GRIN2A: variants seen among roughly 807,000 people sequenced by gnomAD.
The protein encoded by GRIN2A is glutamate ionotropic receptor NMDA type subunit 2A.
A neutral mutation model predicts 113.4 loss-of-function variants in GRIN2A; 22 were observed. The ratio of observed to expected loss-of-function variants is 0.19; its 90% CI spans 0.14 to 0.28. The LOEUF is 0.28. Among genes scored for constraint, GRIN2A ranks in the 10% least tolerant of loss-of-function variants. GRIN2A has a pLI of 1.00. For synonymous variants in GRIN2A, 827 were observed against 738.4 expected, an observed-to-expected ratio of 1.12 and a Z score of -1.94; for missense variants, 1,502 against 1,887.0, an observed-to-expected ratio of 0.80 and a Z score of 3.78.
At chr16:10,029,174 C>T (rs1360377804) in intron 2 of GRIN2A, among the ~76,000 whole-genome samples, 1 of 152,168 alleles carries the variant, frequency 6.6e-6, no homozygotes, top group African/African-American at 2.4e-5. Flanking sequence ...CACTATACCT[C>T]CCCACCCCAA....
chr16:10,096,802 A>G (rs751869975), intron 2 of GRIN2A, among the ~76,000 whole-genome samples: 13 of 151,974 alleles, frequency 8.6e-5, no homozygotes, highest in Non-Finnish European at 1.8e-4. Context: ...CCACACATAG[A>G]CCTGCTACAA....
chr16:9,845,160 C>T (rs1017530642), intron 5 of GRIN2A, among the ~76,000 whole-genome samples: 1 of 152,022 alleles, frequency 6.6e-6, no homozygotes, highest in Non-Finnish European at 1.5e-5. Context: ...TATCCCCAAG[C>T]GGAAGAAGGA....
chr16:10,084,489 G>T (rs1479096088), intron 2 of GRIN2A, among the ~76,000 whole-genome samples: 2 of 152,090 alleles, frequency 1.3e-5, no homozygotes, highest in African/African-American at 4.8e-5. Context: ...ACCTTATTTA[G>T]AATTCCTGTT....
intron 3 of GRIN2A, among the ~76,000 whole-genome samples, chr16:9,923,808 T>C (rs1218821616): frequency 6.6e-6 from 1 of 152,156 alleles, no homozygotes; most frequent in Non-Finnish European, 1.5e-5. Flanking sequence ...TAATTTATCT[T>C]TTAAAATGAT....
At chr16:9,868,641 A>G (rs2043203374) in intron 4 of GRIN2A, among the ~76,000 whole-genome samples, 2 of 152,162 alleles carry the variant, frequency 1.3e-5, no homozygotes, top group South Asian at 2.1e-4. Flanking sequence ...ATGGTTCCCC[A>G]CTGCAGCTGG....
chr16:9,860,213 C>T (rs1012594029), intron 4 of GRIN2A, among the ~76,000 whole-genome samples: 4 of 151,638 alleles, frequency 2.6e-5, no homozygotes, highest in East Asian at 1.9e-4. Flanking sequence ...CCCAGCACTT[C>T]GGGAAGCTGA....
In GRIN2A at chr16:10,103,112, C is replaced by A. The variant is rs1230050166; in HGVS notation, c.414+76886G>T. ...CCTTTTATTTTCTCTAATAGGAGAC[C>A]CACTCGCAACTATGAGGAATAGATA... On this transcript the variant is annotated intron_variant, in intron 2 of 12. Transcript: ENST00000330684. Among the ~76,000 whole-genome samples, 7 of 152,064 alleles carry A rather than the reference C, an allele frequency of 4.6e-5. No homozygotes were observed. The South Asian group carries it at 1.2e-3, about 27-fold the overall frequency.
chr16:10,157,514 AG>A (rs2049721874), intron 2 of GRIN2A, among the ~76,000 whole-genome samples: 1 of 152,342 alleles, frequency 6.6e-6, no homozygotes, highest in African/African-American at 2.4e-5. Context: ...ATTGACTCAC[AG>A]TTCTGCATGG....
intron 2 of GRIN2A, among the ~76,000 whole-genome samples, chr16:10,019,599 C>T (rs568608110): frequency 3.9e-5 from 6 of 152,308 alleles, no homozygotes; most frequent in South Asian, 2.1e-4. Context: ...ACGGTATGCC[C>T]TCAAGTAGAT....
At chr16:9,877,590 C>T (rs562613690) in intron 4 of GRIN2A, among the ~76,000 whole-genome samples, 5 of 151,284 alleles carry the variant, frequency 3.3e-5, no homozygotes, top group Admixed American at 1.3e-4. Flanking sequence ...CTCTCTCTCT[C>T]GTCTCCTCTT....
chr16:10,028,285 G>A (rs1011092657), intron 2 of GRIN2A, among the ~76,000 whole-genome samples: 2 of 152,208 alleles, frequency 1.3e-5, no homozygotes, highest in African/African-American at 4.8e-5. Context: ...GCACAGCCAT[G>A]ATTCAAATGC....
intron 3 of GRIN2A, among the ~76,000 whole-genome samples, chr16:9,910,221 C>T (rs1278306086): frequency 6.6e-6 from 1 of 151,990 alleles, no homozygotes; most frequent in East Asian, 1.9e-4. Context: ...GGGGAGGTAT[C>T]TAACTAGAAG....
intron 2 of GRIN2A, chr16:10,111,750 C>A (rs1286527012): frequency 6.6e-7 from 1 of 1,514,606 alleles, no homozygotes; most frequent in Non-Finnish European, 9.1e-7. Context: ...TGCTGAGCCC[C>A]TCACACACTG....
intron 2 of GRIN2A, among the ~76,000 whole-genome samples, chr16:10,170,448 T>C (rs1474288141): frequency 6.6e-6 from 1 of 152,238 alleles, no homozygotes; most frequent in African/African-American, 2.4e-5. Context: ...TACAAAAATA[T>C]ATTGTATACA....
chr16:10,163,464 A>G (rs1470453620), intron 2 of GRIN2A, among the ~76,000 whole-genome samples: 1 of 152,216 alleles, frequency 6.6e-6, no homozygotes, highest in East Asian at 1.9e-4. Flanking sequence ...AAACTTCTGC[A>G]TACACGTTGG....
At chr16:9,826,426 A>T (rs192426154) in intron 9 of GRIN2A, among the ~76,000 whole-genome samples, 93 of 152,294 alleles carry the variant, frequency 6.1e-4, no homozygotes, top group African/African-American at 2.1e-3. Context: ...AGCTCATCTG[A>T]GCACACCATG....
At chr16:10,169,659 C>G (rs141748843) in intron 2 of GRIN2A, among the ~76,000 whole-genome samples, 1 of 152,096 alleles carries the variant, frequency 6.6e-6, no homozygotes, top group Non-Finnish European at 1.5e-5. Context: ...GATCTGAGTC[C>G]TCAATGTGAC....
intron 10 of GRIN2A, among the ~76,000 whole-genome samples, chr16:9,800,665 C>A (rs16966381): frequency 0.33 from 50,367 of 151,718 alleles, 8,587 homozygotes; most frequent in African/African-American, 0.41. Flanking sequence ...CAGAAACACT[C>A]TGAAGCTTTG....
At chr16:10,108,660 G>A (rs1420405677) in intron 2 of GRIN2A, among the ~76,000 whole-genome samples, 1 of 152,170 alleles carries the variant, frequency 6.6e-6, no homozygotes, top group African/African-American at 2.4e-5. Flanking sequence ...AAGCTGAGAT[G>A]AGCCAACTCT....
Sources: gnomAD v4.1 joint callset for allele counts (sites outside exome capture counted in the v4.1 genomes callset) on GRCh38, gnomAD v4.1.1 for gene constraint, MANE v1.5 for transcripts, NCBI Gene and HGNC (gene_info 2026-07-23, HGNC 2026-07-21) for gene names.